Variants in RAPGEF2 observed in about 807,000 individuals in gnomAD.
The protein encoded by RAPGEF2 is PDZ domain containing guanine nucleotide exchange factor (GEF) 1.
A neutral mutation model predicts 186.7 loss-of-function variants in RAPGEF2; 54 were observed. The observed-to-expected ratio is 0.29, with a 90% CI of 0.23 to 0.36. The LOEUF is 0.36. RAPGEF2 is among the 10% of genes least tolerant of loss of function. The pLI is 1.00. For synonymous variants in RAPGEF2, 712 were observed against 705.9 expected, an observed-to-expected ratio of 1.01 and a Z score of -0.14; for missense variants, 1,532 against 2,045.0, an observed-to-expected ratio of 0.75 and a Z score of 4.84.
intron 25 of RAPGEF2, among the ~76,000 whole-genome samples, chr4:159,349,315 ATC>A (rs1181441771): frequency 6.6e-6 from 1 of 152,216 alleles, no homozygotes; most frequent in Non-Finnish European, 1.5e-5. Context: ...CTTCCCAAAT[ATC>A]TCTTTGTTGT....
chr4:159,323,367 A>G (rs1364841493), intron 10 of RAPGEF2, 92 bp from the exon 11 acceptor site: 1 of 1,053,894 alleles, frequency 9.5e-7, no homozygotes, highest in African/African-American at 1.6e-5. Flanking sequence ...AAAATGGAAG[A>G]TCTGCTAATT....
At chr4:159,218,122 A>G (rs973866853) in intron 4 of RAPGEF2, among the ~76,000 whole-genome samples, 1 of 152,226 alleles carries the variant, frequency 6.6e-6, no homozygotes, top group African/African-American at 2.4e-5. Flanking sequence ...ACAGAAGGGT[A>G]ACTTTATTGG....
chr4:159,261,630 CT>C (rs1283566271), intron 7 of RAPGEF2, among the ~76,000 whole-genome samples: 3 of 152,134 alleles, frequency 2.0e-5, no homozygotes, highest in Non-Finnish European at 4.4e-5. Context: ...TGTAGCTTTC[CT>C]AAACCAGTTA....
At chr4:159,110,290 TC>T (rs1738349305) in intron 1 of RAPGEF2, among the ~76,000 whole-genome samples, 1 of 152,184 alleles carries the variant, frequency 6.6e-6, no homozygotes, top group Non-Finnish European at 1.5e-5. Context: ...ATCTGGTTAA[TC>T]ATATAGTTAA....
intron 7 of RAPGEF2, among the ~76,000 whole-genome samples, chr4:159,301,635 A>G (rs114721204): frequency 0.011 from 1,667 of 152,280 alleles, 36 homozygotes; most frequent in African/African-American, 0.038. Flanking sequence ...AGGGAGGATT[A>G]CTTAAGGCCA....
chr4:159,133,414 T>C (rs948585689), intron 1 of RAPGEF2, among the ~76,000 whole-genome samples: 15 of 151,768 alleles, frequency 9.9e-5, no homozygotes, highest in African/African-American at 3.6e-4. Context: ...TGTAAAGTTG[T>C]ATGAATTTTT....
intron 1 of RAPGEF2, among the ~76,000 whole-genome samples, chr4:159,166,100 G>GACACT (rs1209267178): frequency 6.6e-6 from 1 of 152,088 alleles, no homozygotes; most frequent in East Asian, 1.9e-4. Context: ...GGATCACAAG[G>GACACT]TTGGGAGTTT....
At chr4:159,213,742 T>G (rs1053970262) in intron 4 of RAPGEF2, among the ~76,000 whole-genome samples, 1 of 152,232 alleles carries the variant, frequency 6.6e-6, no homozygotes, top group Non-Finnish European at 1.5e-5. Flanking sequence ...TTTGGTTGTT[T>G]GAACATGAGT....
rs550244273 is a variant in RAPGEF2 at position 159,353,700 on chromosome 4, C to T, written c.4305C>T (p.Phe1435=). 2.3e-5 allele frequency: 37 copies of T among 1,595,092 alleles called. No individual in the cohort carries two copies. The highest frequency in any genetic ancestry group is 1.9e-4 in the African/African-American group (14 of 74,282). ...AGAGAAGCTGGGAGACTCTTCCATT[C>T]GGGCATACTCACTTTGATTATTCAG... ...QHQRSWETLP[F]GHTHFDYSGD... Residue 1435 remains phenylalanine (F), a synonymous_variant, in exon 28 of 30, where the codon TTC becomes TTT. Transcript: ENST00000691494. This position sits in a 1 kb window ranked among gnomAD's most constrained non-coding sequence, Gnocchi z 4.3.
chr4:159,343,061 C>T lies in RAPGEF2; in HGVS notation c.3001C>T (p.Leu1001Phe). The T allele has an allele frequency of 6.2e-7, 1 of 1,614,106 alleles. No homozygotes were observed. Among genetic ancestry groups the T allele is most frequent in the Non-Finnish European group, 8.5e-7 (1 of 1,179,968 alleles). ...TAAATACGAAAAACTATTTCAAGAT[C>T]TCCAAGACCTGTTTGATCCTTCCAG... ...PNKYEKLFQD[L>F]QDLFDPSRNM... The change falls in exon 21 of 30, where the codon CTC (leucine) becomes TTC (phenylalanine). Residue 1001 changes from leucine to phenylalanine, a missense_variant. By Grantham distance (22) the Leu-to-Phe change is conservative. Transcript: ENST00000691494.
intron 22 of RAPGEF2, 39 bp from the exon 23 acceptor site, chr4:159,343,997 C>G: frequency 6.6e-7 from 1 of 1,523,602 alleles, no homozygotes; most frequent in Non-Finnish European, 9.1e-7. Flanking sequence ...GTCTCTCTTT[C>G]TACACCCATG....
At chr4:159,117,507 CTG>C (rs1739174216) in intron 1 of RAPGEF2, among the ~76,000 whole-genome samples, 1 of 151,796 alleles carries the variant, frequency 6.6e-6, no homozygotes, top group Non-Finnish European at 1.5e-5. Context: ...AGAGAAAACT[CTG>C]TGGGAGGCAA....
intron 7 of RAPGEF2, among the ~76,000 whole-genome samples, chr4:159,247,378 G>T (rs570843963): frequency 1.9e-4 from 29 of 152,102 alleles, no homozygotes; most frequent in Non-Finnish European, 2.9e-4. Context: ...AGTCGGGGAT[G>T]GTTTCATGAA....
chr4:159,170,501 T>C (rs2111246421), intron 1 of RAPGEF2, among the ~76,000 whole-genome samples: 1 of 152,302 alleles, frequency 6.6e-6, no homozygotes, highest in South Asian at 2.1e-4. Context: ...TGGCATTAGA[T>C]ACGATAAGTA....
chr4:159,235,968 G>A (rs898405872), intron 4 of RAPGEF2, among the ~76,000 whole-genome samples: 4 of 152,138 alleles, frequency 2.6e-5, no homozygotes, highest in African/African-American at 7.2e-5. Flanking sequence ...CAGGCCTAGC[G>A]TGTGCACTCA....
Position 159,347,014 on chromosome 4 carries a change from C to T in RAPGEF2, c.3712+16C>T. ...CCACCTTTTGGTAAGTGATTACATT[C>T]ATTTCTTTTTTTGGTGCCATTCACT... is the stretch of plus-strand genomic sequence containing the variant. On this transcript the variant is annotated intron_variant, in intron 25 of 29. Coordinates refer to ENST00000691494, the MANE Select transcript of RAPGEF2 (RefSeq NM_001394067.2). The T allele has an allele frequency of 6.3e-7, 1 of 1,598,254 alleles. No homozygotes were observed. The highest frequency in any genetic ancestry group is 8.6e-7 in the Non-Finnish European group (1 of 1,167,388).
intron 1 of RAPGEF2, among the ~76,000 whole-genome samples, chr4:159,108,744 A>T (rs1231630593): frequency 6.6e-6 from 1 of 151,964 alleles, no homozygotes; most frequent in African/African-American, 2.4e-5. Flanking sequence ...TTGGTAAGAG[A>T]GCGAGATATA....
Position 159,326,372 on chromosome 4 carries a change from T to C in RAPGEF2, c.1149+2755T>C, listed in dbSNP as rs1368754368. On this transcript the variant is annotated intron_variant, in intron 11 of 29. Transcript: ENST00000691494. ...GACCATATTTTAGGGAAGCAAGTTA[T>C]TGAGTGAAATGAACAAAAATGATGC... Among the ~76,000 whole-genome samples the C allele has an allele frequency of 5.3e-5, 8 of 152,192 alleles. 1 individual carries two copies. Among genetic ancestry groups the C allele is most frequent in the Admixed American group, 4.6e-4 (7 of 15,272 alleles).
At chr4:159,148,807 A>G (rs1460691954) in intron 1 of RAPGEF2, among the ~76,000 whole-genome samples, 1 of 151,858 alleles carries the variant, frequency 6.6e-6, no homozygotes, top group Non-Finnish European at 1.5e-5. Context: ...ACAAAACTAA[A>G]CCTAGTTCTT....
Sources: allele counts gnomAD v4.1 joint callset (sites outside exome capture counted in the v4.1 genomes callset), GRCh38; gene constraint gnomAD v4.1.1; non-coding constraint Gnocchi (gnomAD v3.1); transcripts MANE v1.5; gene names NCBI Gene and HGNC (gene_info 2026-07-23, HGNC 2026-07-21).